RANBP2: variants seen among roughly 807,000 people sequenced by gnomAD.
RANBP2 encodes the protein RAN binding protein 2, also known as E3 SUMO-protein ligase RanBP2.
In RANBP2, 57 loss-of-function variants were observed where a neutral mutation model predicts 303.6. The ratio of observed to expected loss-of-function variants is 0.19; its 90% confidence interval spans 0.15 to 0.23. RANBP2 has a LOEUF of 0.23. Among genes scored for constraint, RANBP2 ranks in the 10% least tolerant of loss-of-function variants. The pLI is 1.00. For synonymous variants in RANBP2, 1,167 were observed against 1,301.5 expected (o/e 0.90, Z 2.23); for missense variants, 3,138 against 3,780.8 (o/e 0.83, Z 4.46).
chr2:109,590,047 TATGTGTGTGTATATATATAC>T, the RANBP2 span, among the ~76,000 whole-genome samples: 2 of 146,330 alleles, frequency 1.4e-5, no homozygotes. Flanking sequence ...CACACATATA[TATGTGTGTGTATATATATAC>T]ACACACATAT....
At chr2:109,732,976 T>G in the RANBP2 span, 2 of 605,524 alleles carry the variant, frequency 3.3e-6, no homozygotes, top group Non-Finnish European at 6.4e-6. Context: ...ATGGCCCACC[T>G]CCCTCTTGGG....
At chr2:109,722,860 T>C in the RANBP2 span, among the ~76,000 whole-genome samples, 1 of 152,208 alleles carries the variant, frequency 6.6e-6, no homozygotes, top group Non-Finnish European at 1.5e-5. Context: ...ATGTACCACA[T>C]TTTCTATCAT....
chr2:109,431,810 G>T, the RANBP2 span, among the ~76,000 whole-genome samples: 1 of 152,138 alleles, frequency 6.6e-6, no homozygotes, highest in East Asian at 1.9e-4. Context: ...CATTGAGGCT[G>T]CAGTGAGCTA....
the RANBP2 span, among the ~76,000 whole-genome samples, chr2:109,118,199 A>G: frequency 2.0e-5 from 3 of 152,154 alleles, no homozygotes; most frequent in Non-Finnish European, 4.4e-5. Context: ...AATAAACAGC[A>G]CCATCATTTT....
At chr2:109,739,808 T>C in the RANBP2 span, among the ~76,000 whole-genome samples, 1 of 151,588 alleles carries the variant, frequency 6.6e-6, no homozygotes, top group African/African-American at 2.4e-5. Flanking sequence ...AGATTTAAGA[T>C]AAAAGGCTTT....
the RANBP2 span, among the ~76,000 whole-genome samples, chr2:109,473,679 C>T: frequency 6.6e-6 from 1 of 152,074 alleles, no homozygotes; most frequent in African/African-American, 2.4e-5. Flanking sequence ...GAGGAAGCAG[C>T]GTGCCATGTC....
the RANBP2 span, among the ~76,000 whole-genome samples, chr2:109,154,240 C>T: frequency 6.6e-6 from 1 of 152,222 alleles, no homozygotes; most frequent in Non-Finnish European, 1.5e-5. Context: ...CATTTCTGGC[C>T]TCACTTGGGT....
At chr2:109,628,768 C>T in the RANBP2 span, among the ~76,000 whole-genome samples, 6 of 152,234 alleles carry the variant, frequency 3.9e-5, no homozygotes, top group South Asian at 1.0e-3. Context: ...TTTCAAAGCA[C>T]ATTCCAGGTA....
chr2:109,112,737 G>A, the RANBP2 span, among the ~76,000 whole-genome samples: 26 of 152,250 alleles, frequency 1.7e-4, no homozygotes, highest in African/African-American at 6.0e-4. Context: ...GTAATGCTTA[G>A]GTTTTCTTCT....
chr2:109,351,869 C>T, the RANBP2 span, among the ~76,000 whole-genome samples: 1 of 152,206 alleles, frequency 6.6e-6, no homozygotes, highest in Non-Finnish European at 1.5e-5. Flanking sequence ...TCCATGTGAC[C>T]TTCTTATGCT....
At chr2:109,195,460 C>T in the RANBP2 span, among the ~76,000 whole-genome samples, 12 of 152,162 alleles carry the variant, frequency 7.9e-5, no homozygotes, top group Admixed American at 1.3e-4. Context: ...CGAGTGTCCC[C>T]ACCCCTTCTT....
the RANBP2 span, among the ~76,000 whole-genome samples, chr2:109,171,366 A>G: frequency 6.6e-6 from 1 of 152,210 alleles, no homozygotes; most frequent in African/African-American, 2.4e-5. Context: ...ATACAAAATG[A>G]TGGCTATTTG....
intron 2 of RANBP2, among the ~76,000 whole-genome samples, chr2:108,729,487 C>T (rs1337683926): frequency 6.6e-6 from 1 of 152,080 alleles, no homozygotes; most frequent in Non-Finnish European, 1.5e-5. Flanking sequence ...AGGACCATGC[C>T]TATATCTTAA....
At chr2:108,856,678 A>T in the RANBP2 span, 2 of 922,532 alleles carry the variant, frequency 2.2e-6, no homozygotes, top group Non-Finnish European at 3.3e-6. Context: ...TCTCTTATTT[A>T]ATTTTTGTTT....
chr2:109,442,496 A>G, the RANBP2 span, among the ~76,000 whole-genome samples: 4 of 152,190 alleles, frequency 2.6e-5, no homozygotes, highest in Admixed American at 6.5e-5. Context: ...TTTAAAATAT[A>G]ATTGACTGTT....
At chr2:109,546,111 A>G in the RANBP2 span, 3 of 1,610,816 alleles carry the variant, frequency 1.9e-6, no homozygotes, top group South Asian at 1.1e-5. Context: ...TGGCTGTGAA[A>G]TATCTCGGAG....
At chr2:108,819,060 T>C in the RANBP2 span, among the ~76,000 whole-genome samples, 1 of 152,230 alleles carries the variant, frequency 6.6e-6, no homozygotes, top group Non-Finnish European at 1.5e-5. Context: ...TTGTAAAATT[T>C]GGCTATAAGA....
At chr2:109,291,694 C>T in the RANBP2 span, among the ~76,000 whole-genome samples, 1 of 152,114 alleles carries the variant, frequency 6.6e-6, no homozygotes, top group African/African-American at 2.4e-5. Context: ...TTAAGTCGCT[C>T]CTCTTTGCTC....
At chr2:109,564,278 A>G in the RANBP2 span, 1 of 1,209,952 alleles carries the variant, frequency 8.3e-7, no homozygotes, top group Non-Finnish European at 1.1e-6. Flanking sequence ...GATTCTAAAG[A>G]ACACATGCCC....
Sources: gnomAD v4.1 joint callset for allele counts (sites outside exome capture counted in the v4.1 genomes callset) on GRCh38, gnomAD v4.1.1 for gene constraint, MANE v1.5 for transcripts, NCBI Gene and HGNC (gene_info 2026-07-23, HGNC 2026-07-21) for gene names.